The following LPAR1 variants were observed in gnomAD, a reference collection of about 807,000 sequenced individuals.
The protein encoded by LPAR1 is lysophosphatidic acid receptor 1, also known as LPA receptor 1.
Under a neutral mutation model 23.8 loss-of-function variants are expected in LPAR1, and 5 were observed. That is an observed-to-expected ratio of 0.21 (90% CI 0.11 to 0.44). The LOEUF is 0.44. LPAR1 is among the 20% of genes least tolerant of loss of function. The pLI is 0.99. For missense variants in LPAR1, 311 were observed against 482.8 expected, an observed-to-expected ratio of 0.64 and a Z score of 3.33; for synonymous variants, 160 against 164.7, an observed-to-expected ratio of 0.97 and a Z score of 0.22.
intron 2 of LPAR1, among the ~76,000 whole-genome samples, chr9:111,004,034 T>G (rs1333758620): frequency 6.6e-6 from 1 of 152,162 alleles, no homozygotes; most frequent in Non-Finnish European, 1.5e-5. Flanking sequence ...TAAGAAAAAC[T>G]AATCATTCCA....
chr9:110,900,570 A>G (rs1393959904), intron 5 of LPAR1, among the ~76,000 whole-genome samples: 3 of 152,218 alleles, frequency 2.0e-5, no homozygotes, highest in Admixed American at 6.5e-5. Flanking sequence ...TTCTAGTCAC[A>G]CATAAATTCA....
In LPAR1 at chr9:110,879,417, C is replaced by CAA. The variant is rs71371692; in HGVS notation, c.794-3697_794-3696dup. 6.5e-3 allele frequency among the ~76,000 whole-genome samples: 303 copies of CAA among 46,884 alleles called. 10 individuals are homozygous for CAA. The highest frequency in any genetic ancestry group is 0.017 in the African/African-American group (167 of 10,064). The allele number at this position is 46,884 out of a possible 152,430, so 30.8% of individuals were successfully genotyped here. ...TGAGTGACAGAGCAAGACTCCATCT[C>CAA]AAAAAAAAAAAAAAAAAAAAAAAAG... On this transcript the variant is annotated intron_variant, in intron 5 of 5. Coordinates refer to ENST00000683809, the MANE Select transcript of LPAR1 (RefSeq NM_001351411.2).
chr9:110,985,142 A>G (rs2096754296), intron 2 of LPAR1, among the ~76,000 whole-genome samples: 1 of 152,066 alleles, frequency 6.6e-6, no homozygotes, highest in Non-Finnish European at 1.5e-5. Context: ...ATGCAGATTC[A>G]GAACAAAGAA....
At chr9:110,880,390 C>G (rs1416286224) in intron 5 of LPAR1, among the ~76,000 whole-genome samples, 1 of 152,202 alleles carries the variant, frequency 6.6e-6, no homozygotes, top group Non-Finnish European at 1.5e-5. Context: ...CTGAATAATG[C>G]TTACCATCTG....
intron 5 of LPAR1, among the ~76,000 whole-genome samples, chr9:110,908,428 T>C (rs1469668811): frequency 1.3e-5 from 2 of 151,822 alleles, no homozygotes; most frequent in Non-Finnish European, 2.9e-5. Context: ...ATTTTCATCA[T>C]AAAGTATTAA....
At chr9:110,972,285 T>C (rs1032915564) in intron 3 of LPAR1, 65 bp from the exon 4 acceptor site, 4 of 621,356 alleles carry the variant, frequency 6.4e-6, no homozygotes, top group African/African-American at 1.8e-5. Flanking sequence ...TGAAGTACCA[T>C]TGGCCAAAGG....
chr9:110,923,099 G>A (rs1275702992), intron 5 of LPAR1, among the ~76,000 whole-genome samples: 1 of 152,010 alleles, frequency 6.6e-6, no homozygotes, highest in Non-Finnish European at 1.5e-5. Flanking sequence ...CTGAGTCCTA[G>A]AAGCATCATG....
rs1025219450 is a variant in LPAR1 at position 110,982,939 on chromosome 9, A to G, written c.-181-9381T>C. ...ATGCTCAACATCACTAATCATCAGT[A>G]AAATGCAAATGCAAATCAAAATAGT... is the stretch of plus-strand genomic sequence containing the variant. On this transcript the variant is annotated intron_variant, in intron 2 of 5. Coordinates refer to ENST00000683809, the MANE Select transcript of LPAR1 (RefSeq NM_001351411.2). Among the ~76,000 whole-genome samples, 34 of 148,168 alleles carry G rather than the reference A, an allele frequency of 2.3e-4. No individual in the cohort carries two copies. In the South Asian group the frequency reaches 7.3e-3, roughly 32 times the overall value.
chr9:110,958,970 A>G (rs888581035), intron 4 of LPAR1, among the ~76,000 whole-genome samples: 1 of 151,840 alleles, frequency 6.6e-6, no homozygotes, highest in African/African-American at 2.4e-5. Context: ...AAAACGCTTA[A>G]CTTTCCTAAT....
intron 5 of LPAR1, among the ~76,000 whole-genome samples, chr9:110,878,291 A>G (rs1255866051): frequency 6.6e-6 from 1 of 151,964 alleles, no homozygotes; most frequent in Non-Finnish European, 1.5e-5. Flanking sequence ...CCTCCTTTCT[A>G]TTTCACAGAG....
intron 4 of LPAR1, among the ~76,000 whole-genome samples, chr9:110,964,612 G>A (rs963589046): frequency 6.6e-6 from 1 of 151,704 alleles, no homozygotes; most frequent in East Asian, 1.9e-4. Flanking sequence ...TTATTTTTGT[G>A]AATGTCTGAA....
At chr9:110,922,824 ATATTATTATTATTAT>A (rs61229734) in intron 5 of LPAR1, among the ~76,000 whole-genome samples, 1 of 142,242 alleles carries the variant, frequency 7.0e-6, no homozygotes, top group Non-Finnish European at 1.5e-5. Flanking sequence ...TCTTATTATT[ATATTATTATTATTAT>A]TATTATTATT....
chr9:110,907,088 T>C (rs1343840797), intron 5 of LPAR1, among the ~76,000 whole-genome samples: 2 of 152,186 alleles, frequency 1.3e-5, no homozygotes, highest in Admixed American at 6.5e-5. Flanking sequence ...AAAATTACAT[T>C]GATCGTATTA....
intron 2 of LPAR1, among the ~76,000 whole-genome samples, chr9:111,005,820 T>G (rs1449601691): frequency 6.6e-6 from 1 of 152,172 alleles, no homozygotes; most frequent in Admixed American, 6.5e-5. Flanking sequence ...TCTTCCAATG[T>G]CCAGCTGATG....
At chr9:110,934,321 T>C (rs2094560954) in intron 5 of LPAR1, 2 of 152,204 alleles carry the variant, frequency 1.3e-5, no homozygotes, top group African/African-American at 4.8e-5. Context: ...CCCAGATTCA[T>C]CTCTTTGAGA....
At chr9:110,926,936 CGT>C (rs1564487077) in intron 5 of LPAR1, among the ~76,000 whole-genome samples, 1 of 152,092 alleles carries the variant, frequency 6.6e-6, no homozygotes. Flanking sequence ...GTTTGTGTGA[CGT>C]AAGTACTGAT....
chr9:111,002,462 T>A (rs1001773036), intron 2 of LPAR1, among the ~76,000 whole-genome samples: 4 of 152,184 alleles, frequency 2.6e-5, no homozygotes. Flanking sequence ...GCATTTAATT[T>A]TAACAGACAC....
chr9:110,880,341 A>G (rs946646049), intron 5 of LPAR1, among the ~76,000 whole-genome samples: 3 of 152,160 alleles, frequency 2.0e-5, no homozygotes, highest in African/African-American at 7.2e-5. Flanking sequence ...TCGAGATCAT[A>G]TTACCACACC....
chr9:110,999,651 T>C (rs1233939127), intron 2 of LPAR1, among the ~76,000 whole-genome samples: 1 of 152,178 alleles, frequency 6.6e-6, no homozygotes, highest in Non-Finnish European at 1.5e-5. Context: ...TCTGCGATCT[T>C]CTCAATTTAG....
Sources: gnomAD v4.1 joint callset for allele counts (sites outside exome capture counted in the v4.1 genomes callset) on GRCh38, gnomAD v4.1.1 for gene constraint, MANE v1.5 for transcripts, NCBI Gene and HGNC (gene_info 2026-07-23, HGNC 2026-07-21) for gene names.